CUL9: variants seen among roughly 807,000 people sequenced by gnomAD.
CUL9 encodes the protein cullin 9, also known as cullin-9.
Under a neutral mutation model 272.6 loss-of-function variants are expected in CUL9, and 79 were observed. The ratio of observed to expected loss-of-function variants is 0.29; its 90% CI spans 0.24 to 0.35. The LOEUF (loss-of-function observed/expected upper bound fraction) is 0.35. Ranked by LOEUF, CUL9 falls within the 10% of genes least tolerant of loss-of-function variation. The pLI is 1.00. For synonymous variants in CUL9, 1,186 were observed against 1,286.5 expected (o/e 0.92, Z 1.67); for missense variants, 2,532 against 3,255.6 (o/e 0.78, Z 5.41).
At position 43,200,538 on chromosome 6, in the gene CUL9, C is replaced by A. The variant is rs1329807316; in HGVS notation, c.3475+12C>A. The A allele has an allele frequency of 6.2e-7, 1 of 1,614,228 alleles. No homozygotes were observed. The highest frequency in any genetic ancestry group is 1.7e-5 in the Admixed American group (1 of 60,032). ...GCATCTCTGCCAGGGTTAGTGCCCT[C>A]ATCTGCTTTCTCCTGGCTCCCATCC... On this transcript the variant is annotated intron_variant, in intron 15 of 40. Transcript: ENST00000252050. The surrounding 1 kb of genome is among the most constrained non-coding windows in gnomAD (Gnocchi z 4.0).
chr6:43,185,982 G>A lies in CUL9; in HGVS notation c.778G>A (p.Val260Met). 6.2e-7 allele frequency: 1 copy of A among 1,610,810 alleles called. No individual in the cohort carries two copies. The part of the protein sequence containing the change: ...QIPGKLLFSL[V>M]KRYLCVTSLL... ...CCCAGGAAAGCTGCTTTTCTCCTTG[G>A]TGAAGCGCTACCTTTGTGTCACGTC... is the stretch of plus-strand genomic sequence containing the variant. The change falls in exon 4 of 41, where the codon GTG (valine) becomes ATG (methionine). Residue 260 changes from valine to methionine, a missense_variant. This residue lies in a region of CUL9 where 2,218 missense variants were observed against 2,788.6 expected (regional missense o/e 0.80). Transcript: ENST00000252050.
intron 26 of CUL9, among the ~76,000 whole-genome samples, chr6:43,211,675 A>C (rs1191451106): frequency 6.6e-6 from 1 of 152,114 alleles, no homozygotes; most frequent in Non-Finnish European, 1.5e-5. Context: ...TTTTATTGTA[A>C]ATTTCAAGCA....
chr6:43,185,908 C>A lies in CUL9; in HGVS notation c.751-47C>A, dbSNP rs376344620. 1.1e-4 allele frequency: 174 copies of A among 1,547,048 alleles called. No homozygotes were observed. The African/African-American group carries it at 2.3e-3, about 20-fold the overall frequency. Reference sequence around the variant, plus strand: ...AGGATACTTCAGGGAAGGGGAGAGGCTAAAGCCAGGAAGAGATGAACCTGT... The same window carrying A: ...AGGATACTTCAGGGAAGGGGAGAGGATAAAGCCAGGAAGAGATGAACCTGT... On this transcript the variant is annotated intron_variant, in intron 3 of 40. Coordinates refer to ENST00000252050, the MANE Select transcript of CUL9 (RefSeq NM_015089.4).
In CUL9 at chr6:43,206,375, C is replaced by T; in HGVS notation, c.5077C>T (p.Pro1693Ser). The T allele has an allele frequency of 2.5e-6, 4 of 1,614,160 alleles. No homozygotes were observed. The South Asian group carries it at 4.4e-5, about 18-fold the overall frequency. The change falls in exon 26 of 41, where the codon CCA becomes TCA. Residue 1693 changes from proline (P) to serine (S), a missense_variant. By Grantham distance (74) the Pro-to-Ser change is moderately conservative. This residue lies in a region of CUL9 where 2,218 missense variants were observed against 2,788.6 expected (regional missense o/e 0.80). Transcript: ENST00000252050. This position sits in a 1 kb window ranked among gnomAD's most constrained non-coding sequence, Gnocchi z 4.8. ...EKELFIEDPSPAISILVLSPR... is the reference protein window; with the variant it reads ...EKELFIEDPSSAISILVLSPR... The stretch of plus-strand genomic sequence containing the variant: ...AGAATTATTTATCGAAGATCCAAGT[C>T]CAGCCATTTCTATACTGGTCCTGTC...
chr6:43,215,011 T>C, intron 29 of CUL9, 68 bp from the exon 30 acceptor site: 1 of 1,504,342 alleles, frequency 6.6e-7, no homozygotes, highest in Non-Finnish European at 8.9e-7. Context: ...GTGGCAGAGC[T>C]GGGCATTGAG....
Position 43,204,533 on chromosome 6 carries a change from C to T in CUL9, c.4333C>T (p.Arg1445Trp), listed in dbSNP as rs556603195. The change falls in exon 21 of 41, where the codon CGG (arginine) becomes TGG (tryptophan). Residue 1445 changes from arginine (R) to tryptophan (W), a missense_variant. Arg to Trp is a moderately radical substitution (Grantham distance 101, BLOSUM62 -3). Coordinates refer to ENST00000252050, the MANE Select transcript of CUL9 (RefSeq NM_015089.4). Reference sequence around the variant, plus strand: ...TGGGCCTTCTCCTGAGCCATCCACTCGGCCCTGTAAGTCCCAGCTGTGGCC... The same window carrying T: ...TGGGCCTTCTCCTGAGCCATCCACTTGGCCCTGTAAGTCCCAGCTGTGGCC... ...PPGPSPEPST[R>W]PFSKNSKGRD... 7.3e-5 allele frequency: 118 copies of T among 1,614,066 alleles called. No individual in the cohort carries two copies. The highest frequency in any genetic ancestry group is 6.5e-4 in the East Asian group (29 of 44,870).
At chr6:43,185,695 C>T (rs1772845787) in intron 3 of CUL9, 85 bp downstream of exon 3, 3 of 1,442,750 alleles carry the variant, frequency 2.1e-6, no homozygotes, top group Middle Eastern at 4.8e-4. Context: ...AATGTTAGCA[C>T]CAGAGCCACC....
chr6:43,222,878 G>T lies in CUL9; in HGVS notation c.7132G>T (p.Ala2378Ser). 1 of 1,613,732 alleles carries T rather than the reference G, an allele frequency of 6.2e-7. No individual in the cohort carries two copies. Among genetic ancestry groups the T allele is most frequent in the Non-Finnish European group, 8.5e-7 (1 of 1,179,838 alleles). The change falls in exon 38 of 41, where the codon GCC becomes TCC. Residue 2378 changes from alanine to serine, a missense_variant. Ala to Ser is a moderately conservative substitution (Grantham distance 99). Coordinates refer to ENST00000252050, the MANE Select transcript of CUL9 (RefSeq NM_015089.4). Reference protein sequence around the residue: ...QTENLELHTNALQILLEETLL... With the variant: ...QTENLELHTNSLQILLEETLL... The stretch of plus-strand genomic sequence containing the variant: ...AGAGAACCTGGAGCTGCACACCAAT[G>T]CCCTGCAGATCCTCCTGGGTGAGCC...
chr6:43,190,525 A>G (rs1034727256), intron 8 of CUL9, among the ~76,000 whole-genome samples: 1 of 152,206 alleles, frequency 6.6e-6, no homozygotes, highest in Non-Finnish European at 1.5e-5. Context: ...ATCTGATCAT[A>G]TTCAAGTGAG....
chr6:43,182,586 C>G (rs115447444), intron 1 of CUL9, among the ~76,000 whole-genome samples: 2,558 of 152,046 alleles, frequency 0.017, 80 homozygotes, highest in African/African-American at 0.059. Flanking sequence ...CCTACCTCCT[C>G]CTATCCGATT....
At position 43,204,717 on chromosome 6, in the gene CUL9, A is replaced by C. The variant is rs991470804; in HGVS notation, c.4340-31A>C. 2.5e-6 allele frequency: 4 copies of C among 1,611,278 alleles called. No homozygotes were observed. The African/African-American group carries it at 5.3e-5, about 22-fold the overall frequency. ...GTGTACTCACCCAGAGGCTGAGATG[A>C]AACCCCTTCCTTCTCCCTCTGTCTC... On this transcript the variant is annotated intron_variant, in intron 21 of 40. Transcript: ENST00000252050.
At chr6:43,190,275 G>A (rs565210887) in intron 8 of CUL9, among the ~76,000 whole-genome samples, 26 of 150,280 alleles carry the variant, frequency 1.7e-4, no homozygotes, top group African/African-American at 6.1e-4. Context: ...GTAAAGTTAG[G>A]CACATTTGCA....
In CUL9 at chr6:43,216,205, G is replaced by A. The variant is rs757789686; in HGVS notation, c.5984G>A (p.Arg1995His). 1.1e-5 allele frequency: 17 copies of A among 1,613,068 alleles called. No individual in the cohort carries two copies. Among genetic ancestry groups the A allele is most frequent in the South Asian group, 5.5e-5 (5 of 91,034 alleles). Residue 1995 changes from arginine (R) to histidine (H), a missense_variant, in exon 31 of 41, where the codon CGC becomes CAC. Arg to His is a conservative substitution (Grantham distance 29). Around this residue, in one of 3 missense-constraint regions of CUL9, gnomAD observed 2,218 missense variants for 2,788.6 expected, o/e 0.80. Coordinates refer to ENST00000252050, the MANE Select transcript of CUL9 (RefSeq NM_015089.4). ...TLASLQLPAG[R>H]TMSPQEVEGL... The stretch of plus-strand genomic sequence containing the variant: ...GCATCTCTACAGCTGCCTGCAGGCC[G>A]CACCATGAGCCCCCAGGAAGTAGAA...
rs1774880491 is a variant in CUL9 at position 43,204,423 on chromosome 6, C to T, written c.4223C>T (p.Ser1408Phe). 1.2e-6 allele frequency: 2 copies of T among 1,614,158 alleles called. No individual in the cohort carries two copies. Among genetic ancestry groups the T allele is most frequent in the East Asian group, 4.5e-5 (2 of 44,878 alleles). Reference sequence around the variant, plus strand: ...CAGTACTTAGAACAGAGAGAGACCTCTCGGAACCCCTTGAGTCGAGCAGCG... The same window carrying T: ...CAGTACTTAGAACAGAGAGAGACCTTTCGGAACCCCTTGAGTCGAGCAGCG... ...LDQYLEQRETSRNPLSRAASF... is the reference protein window; with the variant it reads ...LDQYLEQRETFRNPLSRAASF... The change falls in exon 21 of 41, where the codon TCT becomes TTT. Residue 1408 changes from serine to phenylalanine, a missense_variant. Physicochemically the swap from Ser to Phe is radical, Grantham distance 155. Transcript: ENST00000252050.
rs1238138406 is a variant in CUL9 at position 43,224,132 on chromosome 6, C to T, written c.7322C>T (p.Ala2441Val). The part of the protein sequence containing the change: ...RVGLQSPSVE[A>V]WEAKGPNMPG... ...GGTCTTCAGAGTCCATCAGTAGAGG[C>T]CTGGGAGGCAAAAGGACCCAACATG... The change falls in exon 40 of 41, where the codon GCC becomes GTC. Residue 2441 changes from alanine to valine, a missense_variant. Ala to Val is a moderately conservative substitution (Grantham distance 64, BLOSUM62 0). Coordinates refer to ENST00000252050, the MANE Select transcript of CUL9 (RefSeq NM_015089.4). The surrounding 1 kb of genome is among the most constrained non-coding windows in gnomAD (Gnocchi z 4.2). 6.2e-7 allele frequency: 1 copy of T among 1,614,244 alleles called. No individual in the cohort carries two copies. Among genetic ancestry groups the T allele is most frequent in the Admixed American group, 1.7e-5 (1 of 60,024 alleles).
chr6:43,191,481 ATTT>A (rs34090146), intron 8 of CUL9, among the ~76,000 whole-genome samples: 21 of 97,440 alleles, frequency 2.2e-4, no homozygotes, highest in African/African-American at 5.1e-4. Context: ...CACCCAGCTA[ATTT>A]TTTTTTTTTT....
intron 26 of CUL9, chr6:43,212,936 C>CTA: frequency 1.7e-6 from 1 of 581,632 alleles, no homozygotes. Flanking sequence ...GGCGCTGGGT[C>CTA]TAGGGATGGG....
chr6:43,216,322 G>T lies in CUL9; in HGVS notation c.6101G>T (p.Gly2034Val). The T allele has an allele frequency of 1.2e-6, 2 of 1,614,160 alleles. No homozygotes were observed. The highest frequency in any genetic ancestry group is 1.7e-6 in the Non-Finnish European group (2 of 1,180,014). ...CACCTTTTGGCTCATTCCCACTGGG[G>T]CGCTGAACAGCTGCTGCAGAGCTAC... ...AQHLLAHSHWGAEQLLQSYSE... is the reference protein window; with the variant it reads ...AQHLLAHSHWVAEQLLQSYSE... The change falls in exon 31 of 41, where the codon GGC (glycine) becomes GTC (valine). Residue 2034 changes from glycine (G) to valine (V), a missense_variant. This residue lies in a region of CUL9 where 2,218 missense variants were observed against 2,788.6 expected (regional missense o/e 0.80). Coordinates refer to ENST00000252050, the MANE Select transcript of CUL9 (RefSeq NM_015089.4).
chr6:43,204,615 C>A, intron 21 of CUL9, 76 bp downstream of exon 21: 1 of 1,593,508 alleles, frequency 6.3e-7, no homozygotes, highest in Non-Finnish European at 8.6e-7. Context: ...CTGGGTCTTA[C>A]TCTTGCTGCT....
Sources: allele counts gnomAD v4.1 joint callset (sites outside exome capture counted in the v4.1 genomes callset), GRCh38; gene constraint gnomAD v4.1.1; regional missense constraint gnomAD v4.1.1; non-coding constraint Gnocchi (gnomAD v3.1); transcripts MANE v1.5; gene names NCBI Gene and HGNC (gene_info 2026-07-23, HGNC 2026-07-21).